SORCS2: variants seen among roughly 807,000 people sequenced by gnomAD.
The protein encoded by SORCS2 is VPS10 domain-containing receptor SorCS2.
Under a neutral mutation model 141.6 loss-of-function variants are expected in SORCS2, and 100 were observed. The ratio of observed to expected loss-of-function variants is 0.71; its 90% CI spans 0.60 to 0.83. The LOEUF (loss-of-function observed/expected upper bound fraction) is 0.83, where lower values mean the gene tolerates loss of function less well. Among genes scored for constraint, SORCS2 ranks in the 40% least tolerant of loss-of-function variants. The pLI, the probability that SORCS2 is intolerant of heterozygous loss-of-function variation, is 0.00. For synonymous variants in SORCS2, 789 were observed against 676.9 expected, an observed-to-expected ratio of 1.17 and a Z score of -2.57; for missense variants, 1,646 against 1,560.2, an observed-to-expected ratio of 1.05 and a Z score of -0.93.
chr4:7,455,801 T>A (rs1435782080), intron 2 of SORCS2, among the ~76,000 whole-genome samples: 3 of 151,910 alleles, frequency 2.0e-5, no homozygotes, highest in Non-Finnish European at 4.4e-5. Context: ...TCAGACGCAG[T>A]GTTAGGGTCA....
intron 1 of SORCS2, among the ~76,000 whole-genome samples, chr4:7,251,111 A>C (rs1713482146): frequency 6.6e-6 from 1 of 152,252 alleles, no homozygotes; most frequent in Non-Finnish European, 1.5e-5. Context: ...TTTGATTTGC[A>C]GGTGACTGAA....
At chr4:7,288,799 G>A (rs1395100094) in intron 1 of SORCS2, among the ~76,000 whole-genome samples, 1 of 121,514 alleles carries the variant, frequency 8.2e-6, no homozygotes, top group Non-Finnish European at 1.8e-5. Flanking sequence ...GGTGGGGGGG[G>A]GAGTTGGGGA....
In SORCS2 at chr4:7,200,153, C is replaced by T. The variant is rs200732606; in HGVS notation, c.480+7027C>T. Among the ~76,000 whole-genome samples the T allele has an allele frequency of 2.0e-5, 3 of 152,260 alleles. No individual in the cohort carries two copies. In the East Asian group the frequency reaches 5.8e-4, roughly 29 times the overall value. On this transcript the variant is annotated intron_variant, in intron 1 of 26. Transcript: ENST00000507866. ...AAAAGGAGGCTCCATGTCCATGCTC[C>T]AGGCCACTGCAGGGACTTTCGGTTT... is the stretch of plus-strand genomic sequence containing the variant.
intron 1 of SORCS2, among the ~76,000 whole-genome samples, chr4:7,390,583 C>CTTG (rs1267954740): frequency 6.6e-6 from 1 of 152,204 alleles, no homozygotes; most frequent in Non-Finnish European, 1.5e-5. Context: ...CCGTAAGGAG[C>CTTG]TTGTACCCGG....
At chr4:7,735,949 G>T (rs12500566) in intron 25 of SORCS2, among the ~76,000 whole-genome samples, 9,238 of 152,270 alleles carry the variant, frequency 0.061, 366 homozygotes, top group Non-Finnish European at 0.093. Flanking sequence ...GACTGCCCTG[G>T]AAACAAAAGC....
intron 1 of SORCS2, among the ~76,000 whole-genome samples, chr4:7,231,253 G>T (rs1227158493): frequency 3.9e-5 from 6 of 152,210 alleles, no homozygotes; most frequent in African/African-American, 1.4e-4. Context: ...TAATTGGGGG[G>T]AGGGTCAGCT....
chr4:7,499,244 G>A (rs1267908636), intron 2 of SORCS2, among the ~76,000 whole-genome samples: 6 of 152,326 alleles, frequency 3.9e-5, no homozygotes, highest in South Asian at 2.1e-4. Context: ...GCATGTCTGC[G>A]GTGTGCACCA....
chr4:7,325,060 G>A (rs930500587), intron 1 of SORCS2, among the ~76,000 whole-genome samples: 1 of 152,202 alleles, frequency 6.6e-6, no homozygotes, highest in Non-Finnish European at 1.5e-5. Flanking sequence ...CTGCAGACGA[G>A]GCTGTCATCC....
rs1721234071 is a variant in SORCS2, at chr4:7,648,564, G to T, written c.814-5570G>T. ...AACAGACCAACCCCTGCCCTCGTGG[G>T]GCCTCCTTTCTAGATGAGGATGGGG... On this transcript the variant is annotated intron_variant, in intron 4 of 26. Coordinates refer to ENST00000507866, the MANE Select transcript of SORCS2 (RefSeq NM_020777.3). This position sits in a 1 kb window ranked among gnomAD's most constrained non-coding sequence, Gnocchi z 4.2. Among the ~76,000 whole-genome samples, 1 of 152,130 alleles carries T rather than the reference G, an allele frequency of 6.6e-6. No homozygotes were observed. Among genetic ancestry groups the T allele is most frequent in the Admixed American group, 6.5e-5 (1 of 15,280 alleles).
intron 1 of SORCS2, among the ~76,000 whole-genome samples, chr4:7,373,141 C>A (rs947458660): frequency 1.3e-5 from 2 of 150,778 alleles, no homozygotes; most frequent in East Asian, 4.0e-4. Context: ...ATATGTTTAA[C>A]TTTATAAGAG....
chr4:7,715,456 C>A lies in SORCS2; in HGVS notation c.2252+145C>A, dbSNP rs74719223. 7.2e-4 allele frequency: 889 copies of A among 1,229,126 alleles called. 10 individuals are homozygous for A. The African/African-American group carries it at 0.012, about 17-fold the overall frequency. The allele number at this position is 1,229,126 out of a possible 1,614,324, so 76.1% of individuals were successfully genotyped here. On this transcript the variant is annotated intron_variant, in intron 17 of 26. Transcript: ENST00000507866. ...AAGAGAGGTCAAAGTTGAGGATGCC[C>A]CACGCTCACAGCACAGAGCCTGGCT...
chr4:7,232,744 T>A (rs963450530), intron 1 of SORCS2, among the ~76,000 whole-genome samples: 2 of 152,072 alleles, frequency 1.3e-5, no homozygotes. Context: ...CTGGGCCCCC[T>A]CAGTAGGCAG....
At chr4:7,500,094 C>A (rs928226087) in intron 2 of SORCS2, among the ~76,000 whole-genome samples, 2 of 152,182 alleles carry the variant, frequency 1.3e-5, no homozygotes, top group African/African-American at 4.8e-5. Context: ...TTCTTTCCGG[C>A]TTCTGGCACC....
In SORCS2 at chr4:7,382,164, C is replaced by T. The variant is rs534391143; in HGVS notation, c.481-14124C>T. Among the ~76,000 whole-genome samples the T allele has an allele frequency of 3.3e-5, 5 of 152,244 alleles. No homozygotes were observed. The East Asian group carries it at 9.7e-4, about 29-fold the overall frequency. ...TTGGGTTGGGTGTGGGGTGAGCCAG[C>T]CCTCAGAGCAGGGCAAAGCTGATGG... On this transcript the variant is annotated intron_variant, in intron 1 of 26. Transcript: ENST00000507866.
At chr4:7,647,806 G>C (rs879876715) in intron 4 of SORCS2, among the ~76,000 whole-genome samples, 15 of 152,232 alleles carry the variant, frequency 9.9e-5, no homozygotes, top group African/African-American at 3.6e-4. Context: ...CCCTCGGCTG[G>C]TTCTTCTGAT....
chr4:7,560,811 G>T (rs115009947), intron 3 of SORCS2, among the ~76,000 whole-genome samples: 2,876 of 152,218 alleles, frequency 0.019, 90 homozygotes, highest in African/African-American at 0.066. Flanking sequence ...GGGTAATGAG[G>T]TCTCCATTAG....
chr4:7,685,291 C>A (rs890229047), intron 10 of SORCS2, among the ~76,000 whole-genome samples: 7 of 152,000 alleles, frequency 4.6e-5, no homozygotes, highest in Non-Finnish European at 8.8e-5. Flanking sequence ...AGCGTGTGGC[C>A]TCAGGCAGGC....
At chr4:7,552,862 A>G (rs925271799) in intron 3 of SORCS2, among the ~76,000 whole-genome samples, 3 of 152,068 alleles carry the variant, frequency 2.0e-5, no homozygotes, top group Admixed American at 6.5e-5. Flanking sequence ...ATTCCCTGCA[A>G]TGTGTGGTCT....
intron 1 of SORCS2, among the ~76,000 whole-genome samples, chr4:7,355,020 GA>G (rs11369235): frequency 5.3e-5 from 8 of 150,636 alleles, no homozygotes; most frequent in South Asian, 2.1e-4. Flanking sequence ...TACATACACA[GA>G]AAAAAAAACA....
Sources: gnomAD v4.1 joint callset for allele counts (sites outside exome capture counted in the v4.1 genomes callset) on GRCh38, gnomAD v4.1.1 for gene constraint, Gnocchi (gnomAD v3.1) non-coding constraint, MANE v1.5 for transcripts, NCBI Gene and HGNC (gene_info 2026-07-23, HGNC 2026-07-21) for gene names.